RBFOX1: variants seen among roughly 807,000 people sequenced by gnomAD.
The protein encoded by RBFOX1 is RNA binding protein fox-1 homolog 1.
RBFOX1 carries 8 observed loss-of-function variants against 57.7 expected under a neutral mutation model. The ratio of observed to expected loss-of-function variants is 0.14; its 90% confidence interval spans 0.08 to 0.25. The LOEUF (loss-of-function observed/expected upper bound fraction) is 0.25. Among genes scored for constraint, RBFOX1 ranks in the 10% least tolerant of loss-of-function variants. RBFOX1 has a pLI of 1.00. For synonymous variants in RBFOX1, 326 were observed against 222.4 expected (o/e 1.47, Z -4.15); for missense variants, 611 against 548.5 (o/e 1.11, Z -1.14).
intron 2 of RBFOX1, among the ~76,000 whole-genome samples, chr16:6,558,589 G>A (rs988450742): frequency 1.3e-5 from 2 of 152,038 alleles, no homozygotes; most frequent in Admixed American, 1.3e-4. Context: ...GGGGCTTTTG[G>A]CTTTTGTCCT....
rs147967674 is a variant in RBFOX1 at position 6,364,171 on chromosome 16, G to A, written c.-64+47114G>A. ...AAGTCCAACTCTCCTTTGCAAGCCAGGAAAAATAGGACCTTTTTCAAATTG... is the reference window on the plus strand; with the variant it reads ...AAGTCCAACTCTCCTTTGCAAGCCAAGAAAAATAGGACCTTTTTCAAATTG... On this transcript the variant is annotated intron_variant, in intron 2 of 15. Transcript: ENST00000550418. Among the ~76,000 whole-genome samples, 878 of 152,250 alleles carry A rather than the reference G, an allele frequency of 5.8e-3. 6 individuals are homozygous for A. The highest frequency in any genetic ancestry group is 0.018 in the African/African-American group (751 of 41,552).
Position 7,365,109 on chromosome 16 carries a change from A to G in RBFOX1, c.28-153038A>G, listed in dbSNP as rs80019933. 3.3e-3 allele frequency among the ~76,000 whole-genome samples: 503 copies of G among 152,280 alleles called. 3 individuals carry two copies. The highest frequency in any genetic ancestry group is 0.012 in the African/African-American group (488 of 41,566). On this transcript the variant is annotated intron_variant, in intron 4 of 15. Transcript: ENST00000550418. ...TCTATCCATCCATCTATCCATCCCA[A>G]TACAAACCATATACAACCTCATGAT...
rs114914564 is a variant in RBFOX1, at chr16:5,903,253, C to A, written c.351+35918C>A. Among the ~76,000 whole-genome samples the A allele has an allele frequency of 3.2e-3, 487 of 152,278 alleles. 5 individuals are homozygous for A. The highest frequency in any genetic ancestry group is 0.011 in the African/African-American group (465 of 41,554). On this transcript the variant is annotated intron_variant, in intron 4 of 19. Transcript: ENST00000641259. ...CCTGCCATAATATTCTCCACTCTAC[C>A]TTGTTGCTCTGACATATTTCACCAC...
intron 2 of RBFOX1, among the ~76,000 whole-genome samples, chr16:6,420,791 G>A (rs548809221): frequency 6.6e-6 from 1 of 152,308 alleles, no homozygotes; most frequent in East Asian, 1.9e-4. Flanking sequence ...TGATTCAAGA[G>A]GCAAAGATTG....
intron 1 of RBFOX1, among the ~76,000 whole-genome samples, chr16:5,425,070 TATCTATCTATCTATC>T (rs1567491151): frequency 1.6e-5 from 1 of 63,460 alleles, no homozygotes; most frequent in African/African-American, 8.1e-5. Context: ...CTTTCTTATC[TATCTATCTATCTATC>T]TATCTATCTA....
At chr16:6,131,248 A>C (rs368675465) in intron 1 of RBFOX1, among the ~76,000 whole-genome samples, 3 of 152,326 alleles carry the variant, frequency 2.0e-5, no homozygotes, top group East Asian at 1.9e-4. Context: ...CATTTATCAA[A>C]AGTCTTTAAA....
chr16:7,585,044 G>A (rs1158994112), intron 6 of RBFOX1, among the ~76,000 whole-genome samples: 1 of 152,204 alleles, frequency 6.6e-6, no homozygotes, highest in Non-Finnish European at 1.5e-5. Context: ...ATGTTCCATA[G>A]ATGACAGTTG....
chr16:7,139,089 C>G (rs1205639547), intron 4 of RBFOX1, among the ~76,000 whole-genome samples: 2 of 152,006 alleles, frequency 1.3e-5, no homozygotes, highest in Non-Finnish European at 2.9e-5. Context: ...CAGGCATGAG[C>G]CACCATGCAT....
chr16:7,393,244 G>A (rs796398971), intron 4 of RBFOX1, among the ~76,000 whole-genome samples: 1 of 152,150 alleles, frequency 6.6e-6, no homozygotes, highest in African/African-American at 2.4e-5. Flanking sequence ...ATGCCTGATG[G>A]AAGAGCTATG....
At chr16:7,162,046 C>G (rs1030871240) in intron 4 of RBFOX1, among the ~76,000 whole-genome samples, 1 of 152,154 alleles carries the variant, frequency 6.6e-6, no homozygotes, top group Non-Finnish European at 1.5e-5. Context: ...TAACAAGAGC[C>G]TGTTTCCTTC....
At chr16:6,429,492 C>G (rs778240177) in intron 2 of RBFOX1, among the ~76,000 whole-genome samples, 13 of 152,212 alleles carry the variant, frequency 8.5e-5, no homozygotes, top group Admixed American at 1.3e-4. Context: ...ATTCATTCAT[C>G]CATGTGCACC....
chr16:7,171,896 T>C (rs1041911035), intron 4 of RBFOX1, among the ~76,000 whole-genome samples: 2 of 152,144 alleles, frequency 1.3e-5, no homozygotes, highest in African/African-American at 4.8e-5. Context: ...TGAGTACCAC[T>C]TAAGAGAGGA....
chr16:6,013,268 T>C (rs896411723), intron 4 of RBFOX1, among the ~76,000 whole-genome samples: 2 of 152,228 alleles, frequency 1.3e-5, no homozygotes, highest in African/African-American at 4.8e-5. Flanking sequence ...TAAACAAGCC[T>C]GCCCTAAATC....
intron 4 of RBFOX1, among the ~76,000 whole-genome samples, chr16:7,498,091 C>T (rs1470687188): frequency 6.6e-6 from 1 of 152,140 alleles, no homozygotes; most frequent in Non-Finnish European, 1.5e-5. Flanking sequence ...CCGAAGCAGC[C>T]TTCTGTGAAG....
At position 7,034,449 on chromosome 16, in the gene RBFOX1, C is replaced by A. The variant is rs75265698; in HGVS notation, c.-15-17608C>A. ...AGAGTCGCTGCCCTCTGCTTCTTCC[C>A]CCTTCTTCCTTGCTGGGCTCCAGCT... On this transcript the variant is annotated intron_variant, in intron 3 of 15. Coordinates refer to ENST00000550418, the MANE Select transcript of RBFOX1 (RefSeq NM_018723.4). Among the ~76,000 whole-genome samples, 914 of 152,124 alleles carry A rather than the reference C, an allele frequency of 6.0e-3. 28 individuals carry two copies. Among genetic ancestry groups the A allele is most frequent in the East Asian group, 0.053 (275 of 5,150 alleles).
chr16:7,297,655 GGAAC>G (rs944604385), intron 4 of RBFOX1, among the ~76,000 whole-genome samples: 5 of 152,028 alleles, frequency 3.3e-5, no homozygotes, highest in African/African-American at 9.7e-5. Context: ...TTATTCTTTA[GGAAC>G]GTGTAGCCTG....
At chr16:5,867,692 G>C (rs1186255419) in intron 4 of RBFOX1, among the ~76,000 whole-genome samples, 1 of 151,978 alleles carries the variant, frequency 6.6e-6, no homozygotes, top group African/African-American at 2.4e-5. Context: ...GCTTTTCTTT[G>C]TATATTTTTT....
At chr16:7,530,496 G>C (rs1051354915) in intron 5 of RBFOX1, among the ~76,000 whole-genome samples, 1 of 147,444 alleles carries the variant, frequency 6.8e-6, no homozygotes, top group African/African-American at 2.5e-5. Context: ...AAGACTTCCA[G>C]ACTTCTTAAA....
chr16:6,541,709 T>TGATGGTAGCTGCTAA, intron 2 of RBFOX1, among the ~76,000 whole-genome samples: 1 of 152,260 alleles, frequency 6.6e-6, no homozygotes, highest in East Asian at 1.9e-4. Context: ...AGGTCAGAGA[T>TGATGGTAGCTGCTAA]GATGGTAGCT....
Sources: allele counts gnomAD v4.1 joint callset (sites outside exome capture counted in the v4.1 genomes callset), GRCh38; gene constraint gnomAD v4.1.1; transcripts MANE v1.5; gene names NCBI Gene and HGNC (gene_info 2026-07-23, HGNC 2026-07-21).